The following DGCR2 variants were observed in gnomAD, a reference collection of about 807,000 sequenced individuals.
DGCR2 encodes the protein DiGeorge syndrome critical region gene 2.
A neutral mutation model predicts 51.6 loss-of-function variants in DGCR2; 24 were observed. That is an observed-to-expected ratio of 0.47 (90% CI 0.34 to 0.65). The LOEUF (loss-of-function observed/expected upper bound fraction) is 0.65. DGCR2 is among the 30% of genes least tolerant of loss of function. The pLI, the probability that DGCR2 is intolerant of heterozygous loss-of-function variation, is 0.01. For synonymous variants in DGCR2, 340 were observed against 315.4 expected (o/e 1.08, Z -0.82); for missense variants, 765 against 772.1 (o/e 0.99, Z 0.11).
intron 6 of DGCR2, among the ~76,000 whole-genome samples, chr22:19,052,412 T>TCA (rs2082557797): frequency 1.9e-5 from 2 of 103,414 alleles, no homozygotes; most frequent in African/African-American, 4.1e-5. Flanking sequence ...AAAGACTCTG[T>TCA]CTCACACACA....
chr22:19,083,852 G>A (rs1327844983), intron 2 of DGCR2, among the ~76,000 whole-genome samples: 1 of 151,604 alleles, frequency 6.6e-6, no homozygotes, highest in African/African-American at 2.4e-5. Context: ...CCGAGTGCCT[G>A]CGATTGCAGG....
At chr22:19,060,283 G>A (rs374405273) in intron 5 of DGCR2, among the ~76,000 whole-genome samples, 9 of 152,184 alleles carry the variant, frequency 5.9e-5, no homozygotes, top group Admixed American at 3.9e-4. Flanking sequence ...TGGCCTCAGC[G>A]GGCAACACCA....
At chr22:19,051,257 A>C (rs1050539197) in intron 6 of DGCR2, among the ~76,000 whole-genome samples, 1 of 151,970 alleles carries the variant, frequency 6.6e-6, no homozygotes, top group Non-Finnish European at 1.5e-5. Flanking sequence ...ATTAAAATTA[A>C]GAACTTTTGT....
chr22:19,047,788 T>C (rs2082505847), intron 7 of DGCR2: 1 of 152,868 alleles, frequency 6.5e-6, no homozygotes, highest in South Asian at 2.1e-4. Flanking sequence ...ATACTTCATC[T>C]TTTTCTCGAA....
chr22:19,057,124 C>G lies in DGCR2; in HGVS notation c.664G>C (p.Ala222Pro), dbSNP rs1353590636. 1 of 1,608,468 alleles carries G rather than the reference C, an allele frequency of 6.2e-7. No individual in the cohort carries two copies. The highest frequency in any genetic ancestry group is 1.7e-5 in the Admixed American group (1 of 59,108). The stretch of plus-strand genomic sequence containing the variant: ...TTGTCGTTCTCAGACATGGCCGAGG[C>G]AAAGATGGGGTCTGGGGGCAGGAAC... ...EVFLPPDPIF[A>P]SAMSENDNVF... The change falls in exon 6 of 10, where the codon GCC (alanine) becomes CCC (proline). Residue 222 changes from alanine to proline, a missense_variant. Physicochemically the swap from Ala to Pro is conservative, Grantham distance 27. Around this residue, in one of 3 missense-constraint regions of DGCR2, gnomAD observed 370 missense variants for 325.5 expected, o/e 1.14. Coordinates refer to ENST00000263196, the MANE Select transcript of DGCR2 (RefSeq NM_005137.3). This position sits in a 1 kb window ranked among gnomAD's most constrained non-coding sequence, Gnocchi z 5.1.
rs41277588 is a variant in DGCR2, at chr22:19,038,781, A to G, written c.*84T>C. 0.016 allele frequency: 24,155 copies of G among 1,542,542 alleles called. 483 individuals carry two copies. The highest frequency in any genetic ancestry group is 0.07 in the Middle Eastern group (400 of 5,732). The stretch of plus-strand genomic sequence containing the variant: ...CAGTGCGTGGCGTCCAGGCTGGGAC[A>G]GGGGCCTTTCAAGTCTCCCCAGGGA... On this transcript the variant is annotated 3_prime_UTR_variant, in exon 10 of 10. Coordinates refer to ENST00000263196, the MANE Select transcript of DGCR2 (RefSeq NM_005137.3).
At chr22:19,110,682 G>A (rs1214941944) in intron 1 of DGCR2, among the ~76,000 whole-genome samples, 3 of 151,854 alleles carry the variant, frequency 2.0e-5, no homozygotes, top group Non-Finnish European at 4.4e-5. Context: ...GGAGTAGATG[G>A]AAAAAGAGCC....
At chr22:19,087,744 G>C (rs2083033904) in intron 2 of DGCR2, among the ~76,000 whole-genome samples, 1 of 150,256 alleles carries the variant, frequency 6.7e-6, no homozygotes, top group East Asian at 2.0e-4. Flanking sequence ...AAGTGCAGTG[G>C]CACAATCTTG....
chr22:19,091,151 G>T (rs946756908), intron 1 of DGCR2, among the ~76,000 whole-genome samples: 2 of 152,210 alleles, frequency 1.3e-5, no homozygotes, highest in African/African-American at 4.8e-5. Flanking sequence ...TTGAGCCCAG[G>T]AGTTCAGGAC....
At chr22:19,047,115 A>C (rs1251294772) in intron 7 of DGCR2, 1 of 152,650 alleles carries the variant, frequency 6.6e-6, no homozygotes, top group African/African-American at 2.4e-5. Flanking sequence ...ACCCTATACG[A>C]GGAGAAACTG....
intron 3 of DGCR2, among the ~76,000 whole-genome samples, chr22:19,066,122 G>A (rs2082745638): frequency 6.6e-6 from 1 of 152,204 alleles, no homozygotes; most frequent in African/African-American, 2.4e-5. Flanking sequence ...TCAGAGGGCT[G>A]GCAACAGTGG....
Position 19,041,147 on chromosome 22 carries a change from T to C in DGCR2, c.1307A>G (p.Tyr436Cys), listed in dbSNP as rs1215632851. 5.0e-6 allele frequency: 8 copies of C among 1,613,826 alleles called. No individual in the cohort carries two copies. Among genetic ancestry groups the C allele is most frequent in the African/African-American group, 1.3e-5 (1 of 74,896 alleles). The change falls in exon 9 of 10, where the codon TAC becomes TGC. Residue 436 changes from tyrosine to cysteine, a missense_variant. Physicochemically the swap from Tyr to Cys is radical, Grantham distance 194. This residue lies in a region of DGCR2 where 205 missense variants were observed against 181.4 expected (regional missense o/e 1.13). Transcript: ENST00000263196. ...FHDPPPPYTA[Y>C]KYPDIGQPDD... ...GGGCTGGCCGATGTCCGGGTACTTG[T>C]ATGCCGTGTAGGGAGGTGGAGGGTC... is the stretch of plus-strand genomic sequence containing the variant.
intron 2 of DGCR2, among the ~76,000 whole-genome samples, chr22:19,078,317 G>A (rs953247941): frequency 3.3e-5 from 5 of 152,062 alleles, no homozygotes; most frequent in African/African-American, 1.2e-4. Context: ...TTTATTCTTT[G>A]TACTATTACT....
At position 19,038,132 on chromosome 22, in the gene DGCR2, G is replaced by C. The variant is rs935605942; in HGVS notation, c.*733C>G. On this transcript the variant is annotated 3_prime_UTR_variant, in exon 10 of 10. Transcript: ENST00000263196. ...GGAGCCATGCACAGCAATGCTGGGA[G>C]AGGGACTGATGGGGTGGGGTCAGGC... 2.0e-5 allele frequency: 3 copies of C among 152,466 alleles called. No homozygotes were observed. The highest frequency in any genetic ancestry group is 7.2e-5 in the African/African-American group (3 of 41,464). 9.4% of individuals were successfully genotyped at this position (152,466 alleles called of 1,614,324 possible). A position where few individuals can be genotyped will look rare whatever the true frequency, so the allele number is the denominator to read the frequency against.
chr22:19,078,513 C>T (rs182326678), intron 2 of DGCR2, among the ~76,000 whole-genome samples: 3 of 152,282 alleles, frequency 2.0e-5, no homozygotes, highest in Admixed American at 2.0e-4. Context: ...GTCACACATA[C>T]AAACAGGGAT....
At chr22:19,064,169 G>C (rs757797489) in intron 4 of DGCR2, among the ~76,000 whole-genome samples, 1 of 152,226 alleles carries the variant, frequency 6.6e-6, no homozygotes, top group Non-Finnish European at 1.5e-5. Flanking sequence ...CATGGCAGGA[G>C]CCCAGGGATG....
At chr22:19,101,313 C>A (rs551927266) in intron 1 of DGCR2, among the ~76,000 whole-genome samples, 1 of 152,162 alleles carries the variant, frequency 6.6e-6, no homozygotes, top group African/African-American at 2.4e-5. Flanking sequence ...GCAGAGACAA[C>A]CCAAGTGGCC....
intron 5 of DGCR2, 62 bp downstream of exon 5, chr22:19,063,140 A>T: frequency 6.8e-7 from 1 of 1,480,802 alleles, no homozygotes; most frequent in Middle Eastern, 1.7e-4. Context: ...GGAGGAGGGG[A>T]GGCCCCGAAT....
intron 4 of DGCR2, among the ~76,000 whole-genome samples, chr22:19,064,626 G>C (rs1197268110): frequency 6.6e-6 from 1 of 152,174 alleles, no homozygotes; most frequent in Non-Finnish European, 1.5e-5. Context: ...GTCCCACAAA[G>C]TAGCAGCAGA....
Sources: allele counts gnomAD v4.1 joint callset (sites outside exome capture counted in the v4.1 genomes callset), GRCh38; gene constraint gnomAD v4.1.1; regional missense constraint gnomAD v4.1.1; non-coding constraint Gnocchi (gnomAD v3.1); transcripts MANE v1.5; gene names NCBI Gene and HGNC (gene_info 2026-07-23, HGNC 2026-07-21).